The following CGNL1 variants were observed in gnomAD, a reference collection of about 807,000 sequenced individuals.
CGNL1 encodes cingulin-like protein 1.
CGNL1 carries 132 observed loss-of-function variants against 141.2 expected under a neutral mutation model. The ratio of observed to expected loss-of-function variants is 0.93; its 90% CI spans 0.81 to 1.08. The LOEUF is 1.08. Ranked by LOEUF, CGNL1 falls within the 50% of genes least tolerant of loss-of-function variation. The pLI, the probability that CGNL1 is intolerant of heterozygous loss-of-function variation, is 0.00. For missense variants in CGNL1, 1,870 were observed against 1,588.6 expected (o/e 1.18, Z -3.01); for synonymous variants, 690 against 622.1 (o/e 1.11, Z -1.63).
chr15:57,470,054 T>G (rs1442084616), intron 8 of CGNL1, among the ~76,000 whole-genome samples: 2 of 152,196 alleles, frequency 1.3e-5, no homozygotes, highest in Non-Finnish European at 2.9e-5. Flanking sequence ...CTCTGCATTT[T>G]AACTTCAAAT....
In CGNL1 at chr15:57,532,618, C is replaced by T. The variant is rs151138643; in HGVS notation, c.3291+839C>T. On this transcript the variant is annotated intron_variant, in intron 14 of 18. Coordinates refer to ENST00000281282, the MANE Select transcript of CGNL1 (RefSeq NM_032866.5). ...GGATCAAATGTAAGTGAAACTCCTTCCAAAACTGCAAAAAGCATTCACTTG... is the reference window on the plus strand; with the variant it reads ...GGATCAAATGTAAGTGAAACTCCTTTCAAAACTGCAAAAAGCATTCACTTG... Among the ~76,000 whole-genome samples the T allele has an allele frequency of 3.1e-3, 470 of 152,318 alleles. 2 individuals carry two copies. Among genetic ancestry groups the T allele is most frequent in the Middle Eastern group, 0.01 (3 of 294 alleles).
intron 3 of CGNL1, among the ~76,000 whole-genome samples, chr15:57,441,385 T>C (rs2063185347): frequency 6.6e-6 from 1 of 152,144 alleles, no homozygotes; most frequent in Non-Finnish European, 1.5e-5. Context: ...TTTTTATTTT[T>C]TGGGACAGAG....
At position 57,531,984 on chromosome 15, in the gene CGNL1, C is replaced by A. The variant is rs116789820; in HGVS notation, c.3291+205C>A. Among the ~76,000 whole-genome samples the A allele has an allele frequency of 4.1e-3, 631 of 152,116 alleles. 8 individuals carry two copies. The highest frequency in any genetic ancestry group is 0.017 in the Middle Eastern group (5 of 294). On this transcript the variant is annotated intron_variant, in intron 14 of 18. Transcript: ENST00000281282. ...TGTATTTTAGATTTTAAATTTTACT[C>A]CTTGGTCAGATTATTTCCTGATCTA...
intron 15 of CGNL1, 60 bp from the exon 16 acceptor site, chr15:57,544,413 C>T: frequency 6.3e-7 from 1 of 1,593,612 alleles, no homozygotes; most frequent in South Asian, 1.1e-5. Context: ...ATATTCTTCG[C>T]TGCTCTGCAC....
At chr15:57,484,645 C>A (rs1475026098) in intron 8 of CGNL1, among the ~76,000 whole-genome samples, 2 of 152,076 alleles carry the variant, frequency 1.3e-5, no homozygotes, top group Non-Finnish European at 2.9e-5. Flanking sequence ...TTTGCTGCAC[C>A]TATCAAACCA....
chr15:57,518,553 A>G, intron 10 of CGNL1, 56 bp downstream of exon 10: 1 of 1,169,464 alleles, frequency 8.6e-7, no homozygotes, highest in Admixed American at 1.9e-5. Context: ...TAGAGACGCA[A>G]CACCAGAGGG....
chr15:57,497,912 G>T (rs553034739), intron 8 of CGNL1, among the ~76,000 whole-genome samples: 1 of 152,214 alleles, frequency 6.6e-6, no homozygotes, highest in African/African-American at 2.4e-5. Context: ...TCAGTGTCAC[G>T]CTGAGAAGAG....
chr15:57,410,108 A>T (rs2062769967), intron 1 of CGNL1, among the ~76,000 whole-genome samples: 1 of 152,140 alleles, frequency 6.6e-6, no homozygotes, highest in South Asian at 2.1e-4. Context: ...AGTTCAGGGG[A>T]TCATTTGCAG....
intron 8 of CGNL1, among the ~76,000 whole-genome samples, chr15:57,484,694 T>C (rs1449749062): frequency 2.0e-5 from 3 of 152,188 alleles, no homozygotes; most frequent in African/African-American, 4.8e-5. Context: ...TAGGTATTTC[T>C]TCTAATGAGC....
At position 57,547,717 on chromosome 15, in the gene CGNL1, C is replaced by T; in HGVS notation, c.*227C>T. Reference sequence around the variant, plus strand: ...TGGGATGCCTGAGGACCAGGAGCCACCACCCACTGGGGTGTTGTGAGAGAT... The same window carrying T: ...TGGGATGCCTGAGGACCAGGAGCCATCACCCACTGGGGTGTTGTGAGAGAT... On this transcript the variant is annotated 3_prime_UTR_variant, in exon 19 of 19. Transcript: ENST00000281282. 4.0e-6 allele frequency: 2 copies of T among 497,780 alleles called. No homozygotes were observed. Among genetic ancestry groups the T allele is most frequent in the Non-Finnish European group, 7.0e-6 (2 of 283,768 alleles). 30.8% of individuals were successfully genotyped at this position (497,780 alleles called of 1,614,324 possible).
chr15:57,447,187 G>A (rs2063264266), intron 4 of CGNL1, among the ~76,000 whole-genome samples: 1 of 152,180 alleles, frequency 6.6e-6, no homozygotes, highest in Admixed American at 6.5e-5. Context: ...GCATCTCTCA[G>A]CAGCGTTCCG....
intron 1 of CGNL1, among the ~76,000 whole-genome samples, chr15:57,419,670 G>T (rs1320048091): frequency 6.6e-6 from 1 of 152,154 alleles, no homozygotes; most frequent in Non-Finnish European, 1.5e-5. Context: ...CAGAGATAAA[G>T]CACCCTTCTC....
intron 1 of CGNL1, among the ~76,000 whole-genome samples, chr15:57,434,021 G>A (rs2063075900): frequency 7.3e-6 from 1 of 136,908 alleles, no homozygotes; most frequent in African/African-American, 2.7e-5. Flanking sequence ...TTCTTAAATA[G>A]GATCAGGCAG....
chr15:57,421,439 G>A (rs1177175116), intron 1 of CGNL1, among the ~76,000 whole-genome samples: 1 of 151,768 alleles, frequency 6.6e-6, no homozygotes, highest in African/African-American at 2.4e-5. Context: ...CTTTCCTCCT[G>A]GCTTAGGAGA....
chr15:57,545,362 A>C (rs1389830664), intron 16 of CGNL1, among the ~76,000 whole-genome samples: 1 of 152,254 alleles, frequency 6.6e-6, no homozygotes, highest in Non-Finnish European at 1.5e-5. Flanking sequence ...GCCATGGCTC[A>C]GCCCCTTGCT....
Position 57,549,838 on chromosome 15 carries a change from A to G in CGNL1, c.*2348A>G, listed in dbSNP as rs1256474483. On this transcript the variant is annotated 3_prime_UTR_variant, in exon 19 of 19. Coordinates refer to ENST00000281282, the MANE Select transcript of CGNL1 (RefSeq NM_032866.5). ...TTCCCTAGAGCTCACTTTGACCCTC[A>G]ATATGTTCATAATTTCCCTGCTGCT... 6.6e-6 allele frequency: 1 copy of G among 152,204 alleles called. No individual in the cohort carries two copies. Among genetic ancestry groups the G allele is most frequent in the Non-Finnish European group, 1.5e-5 (1 of 68,052 alleles). 9.4% of individuals were successfully genotyped at this position (152,204 alleles called of 1,614,324 possible).
At position 57,452,172 on chromosome 15, in the gene CGNL1, G is replaced by A. The variant is rs752302583; in HGVS notation, c.1937G>A (p.Arg646Lys). Reference sequence around the variant, plus strand: ...CAGAACATTAAAGAAGAGAGAGAGAGGATGAGAGCAAACCTAGAAGAGCTC... The same window carrying A: ...CAGAACATTAAAGAAGAGAGAGAGAAGATGAGAGCAAACCTAGAAGAGCTC... Reference protein sequence around the residue: ...NQQNIKEERERMRANLEELRS... With the variant: ...NQQNIKEEREKMRANLEELRS... Residue 646 changes from arginine (R) to lysine (K), a missense_variant, in exon 6 of 19, where the codon AGG becomes AAG. Coordinates refer to ENST00000281282, the MANE Select transcript of CGNL1 (RefSeq NM_032866.5). 14 of 1,613,652 alleles carry A rather than the reference G, an allele frequency of 8.7e-6. No individual in the cohort carries two copies. In the South Asian group the frequency reaches 1.5e-4, roughly 18 times the overall value.
chr15:57,545,275 T>G (rs1456218177), intron 16 of CGNL1, among the ~76,000 whole-genome samples: 1 of 152,250 alleles, frequency 6.6e-6, no homozygotes, highest in Admixed American at 6.5e-5. Context: ...CAGAACAGCC[T>G]GGAGTAGACC....
intron 1 of CGNL1, among the ~76,000 whole-genome samples, chr15:57,389,743 C>G (rs2152228511): frequency 6.6e-6 from 1 of 152,310 alleles, no homozygotes; most frequent in East Asian, 1.9e-4. Flanking sequence ...GTTATATTTG[C>G]TCTTACAATG....
Sources: allele counts gnomAD v4.1 joint callset (sites outside exome capture counted in the v4.1 genomes callset), GRCh38; gene constraint gnomAD v4.1.1; transcripts MANE v1.5; gene names NCBI Gene and HGNC (gene_info 2026-07-23, HGNC 2026-07-21).